Variants in TF observed in about 807,000 individuals in gnomAD.
TF encodes transferrin.
Under a neutral mutation model 82.4 loss-of-function variants are expected in TF, and 55 were observed. The observed-to-expected ratio is 0.67, with a 90% CI of 0.54 to 0.84. The LOEUF (loss-of-function observed/expected upper bound fraction) is 0.84. TF is among the 40% of genes least tolerant of loss of function. TF has a pLI of 0.00. For synonymous variants in TF, 332 were observed against 332.6 expected (o/e 1.00, Z 0.02); for missense variants, 737 against 868.4 (o/e 0.85, Z 1.90).
the TF span, among the ~76,000 whole-genome samples, chr3:133,736,276 G>A: frequency 6.6e-6 from 1 of 152,130 alleles, no homozygotes; most frequent in Non-Finnish European, 1.5e-5. Flanking sequence ...TCACCACCAG[G>A]CCTGCCTTAC....
chr3:133,754,584 A>G lies in TF; in HGVS notation c.415A>G (p.Thr139Ala). 1 of 1,614,152 alleles carries G rather than the reference A, an allele frequency of 6.2e-7. No homozygotes were observed. Among genetic ancestry groups the G allele is most frequent in the Non-Finnish European group, 8.5e-7 (1 of 1,179,982 alleles). ...GCTTCGAGGCAAGAAGTCCTGCCAC[A>G]CGGGTCTAGGCAGGTCCGCTGGGTG... ...NQLRGKKSCH[T>A]GLGRSAGWNI... The change falls in exon 4 of 17, where the codon ACG (threonine) becomes GCG (alanine). Residue 139 changes from threonine to alanine, a missense_variant. Physicochemically the swap from Thr to Ala is moderately conservative, Grantham distance 58. Transcript: ENST00000402696.
chr3:133,774,885 T>C, intron 14 of TF: 1 of 317,914 alleles, frequency 3.1e-6, no homozygotes, highest in East Asian at 9.0e-5. Context: ...TCAGAGACAA[T>C]ACAGAAAAGA....
At chr3:133,734,588 A>G in the TF span, among the ~76,000 whole-genome samples, 9 of 152,232 alleles carry the variant, frequency 5.9e-5, no homozygotes, top group Non-Finnish European at 1.0e-4. Context: ...AACTAAACAG[A>G]TGAAGAAAGG....
Position 133,788,745 on chromosome 3 carries a change from T to C in TF, c.*10125T>C, listed in dbSNP as rs1271036311. ...GGGGCCATCCTGAAGGACTTTTTTC[T>C]ATCTTTTCTGGTTGTGGTCCCTGAT... On this transcript the variant is annotated 3_prime_UTR_variant, in exon 17 of 17. Coordinates refer to ENST00000402696, the MANE Select transcript of TF (RefSeq NM_001063.4). 3 of 152,250 alleles carry C rather than the reference T, an allele frequency of 2.0e-5. No homozygotes were observed. Among genetic ancestry groups the C allele is most frequent in the Non-Finnish European group, 4.4e-5 (3 of 68,072 alleles). The allele number at this position is 152,250 out of a possible 1,614,324, so 9.4% of individuals were successfully genotyped here. A position where few individuals can be genotyped will look rare whatever the true frequency, so the allele number is the denominator to read the frequency against.
At chr3:133,752,554 C>T (rs1933703247) in intron 2 of TF, among the ~76,000 whole-genome samples, 1 of 151,536 alleles carries the variant, frequency 6.6e-6, no homozygotes, top group Non-Finnish European at 1.5e-5. Context: ...TAAGGATTTA[C>T]ATAAAAAGAA....
In TF at chr3:133,757,754, T is replaced by C; in HGVS notation, c.871-15T>C. 1.2e-6 allele frequency: 2 copies of C among 1,612,670 alleles called. No individual in the cohort carries two copies. The highest frequency in any genetic ancestry group is 1.1e-5 in the South Asian group (1 of 91,042). On this transcript the variant is annotated splice_polypyrimidine_tract_variant and intron_variant, in intron 7 of 16. Coordinates refer to ENST00000402696, the MANE Select transcript of TF (RefSeq NM_001063.4). ...TTCTGTGTTGCCATCCACTATTCTG[T>C]TTTTCTATGAACAGGAACATTTTGG...
rs1280662173 is a variant in TF, at chr3:133,775,442, C to A, written c.1697C>A (p.Pro566His). 1 of 1,614,210 alleles carries A rather than the reference C, an allele frequency of 6.2e-7. No homozygotes were observed. Among genetic ancestry groups the A allele is most frequent in the Non-Finnish European group, 8.5e-7 (1 of 1,180,032 alleles). Reference sequence around the variant, plus strand: ...TTCTTCCTGTCCCTAGGAAAAAACCCTGATCCATGGGCTAAGAATCTGAAT... The same window carrying A: ...TTCTTCCTGTCCCTAGGAAAAAACCATGATCCATGGGCTAAGAATCTGAAT... ...TVPQNTGGKNPDPWAKNLNEK... is the reference protein window; with the variant it reads ...TVPQNTGGKNHDPWAKNLNEK... Residue 566 changes from proline to histidine, a missense_variant, in exon 15 of 17, where the codon CCT becomes CAT. Coordinates refer to ENST00000402696, the MANE Select transcript of TF (RefSeq NM_001063.4).
At chr3:133,754,138 G>T in intron 3 of TF, 1 of 418,122 alleles carries the variant, frequency 2.4e-6, no homozygotes, top group East Asian at 5.4e-5. Context: ...CTGTGCCAGG[G>T]GACATGAAAT....
intron 2 of TF, among the ~76,000 whole-genome samples, chr3:133,749,581 A>G (rs4355280): frequency 0.37 from 55,990 of 152,032 alleles, 10,620 homozygotes; most frequent in South Asian, 0.53. Flanking sequence ...GTGGTCAGAG[A>G]CCATCTCTCT....
chr3:133,768,701 C>T (rs568011598), intron 13 of TF, among the ~76,000 whole-genome samples: 2 of 151,504 alleles, frequency 1.3e-5, no homozygotes, highest in South Asian at 4.2e-4. Flanking sequence ...CAGAATAGTA[C>T]ATGATTCCTA....
rs534678364 is a variant in TF at position 133,774,888 on chromosome 3, A to G, written c.1688-545A>G. 1.4e-4 allele frequency: 49 copies of G among 346,178 alleles called. 1 individual carries two copies. Among genetic ancestry groups the G allele is most frequent in the South Asian group, 1.2e-3 (48 of 39,720 alleles). The allele number at this position is 346,178 out of a possible 1,614,324, so 21.4% of individuals were successfully genotyped here. ...TTTTTTTTTTTTTCAGAGACAATAC[A>G]GAAAAGAAGAGGCAAAGGGGCCGAG... is the stretch of plus-strand genomic sequence containing the variant. On this transcript the variant is annotated intron_variant, in intron 14 of 16. Coordinates refer to ENST00000402696, the MANE Select transcript of TF (RefSeq NM_001063.4).
the TF span, among the ~76,000 whole-genome samples, chr3:133,669,804 G>A: frequency 2.2e-4 from 33 of 152,300 alleles, 1 homozygote; most frequent in African/African-American, 6.0e-4. Context: ...CTCCTATTGT[G>A]TTAAACCATT....
intron 13 of TF, among the ~76,000 whole-genome samples, chr3:133,769,504 T>C (rs186856803): frequency 6.6e-6 from 1 of 152,316 alleles, no homozygotes; most frequent in East Asian, 1.9e-4. Flanking sequence ...TAAACATGTC[T>C]TATAAAACTT....
chr3:133,698,410 A>G, the TF span, among the ~76,000 whole-genome samples: 1 of 152,340 alleles, frequency 6.6e-6, no homozygotes, highest in South Asian at 2.1e-4. Flanking sequence ...TAAGCAACAT[A>G]AATATCTTGT....
chr3:133,746,728 T>TAA (rs1360296905), intron 1 of TF, among the ~76,000 whole-genome samples: 1 of 152,200 alleles, frequency 6.6e-6, no homozygotes, highest in Non-Finnish European at 1.5e-5. Context: ...AGCAGTGAAA[T>TAA]ACAATAAATC....
chr3:133,686,984 G>C, the TF span, among the ~76,000 whole-genome samples: 10 of 152,178 alleles, frequency 6.6e-5, no homozygotes, highest in Non-Finnish European at 1.5e-5. Context: ...AGAAAATGTG[G>C]CACATATACA....
the TF span, among the ~76,000 whole-genome samples, chr3:133,715,003 C>G: frequency 2.0e-5 from 3 of 150,240 alleles, no homozygotes; most frequent in Non-Finnish European, 2.9e-5. Flanking sequence ...CTTGACTCCT[C>G]TAGCCATTCA....
upstream of TF, among the ~76,000 whole-genome samples, chr3:133,745,668 C>T (rs1335096609): frequency 6.6e-6 from 1 of 152,202 alleles, no homozygotes; most frequent in African/African-American, 2.4e-5. Flanking sequence ...TGTTCTGAGC[C>T]TCACAGTGTC....
At chr3:133,770,618 T>C in intron 14 of TF, 46 bp downstream of exon 14, 1 of 1,574,784 alleles carries the variant, frequency 6.4e-7, no homozygotes, top group Non-Finnish European at 8.7e-7. Context: ...TAGATCCTGG[T>C]CACTGGTATT....
Sources: allele counts gnomAD v4.1 joint callset (sites outside exome capture counted in the v4.1 genomes callset), GRCh38; gene constraint gnomAD v4.1.1; transcripts MANE v1.5; gene names NCBI Gene and HGNC (gene_info 2026-07-23, HGNC 2026-07-21).